The following NRROS variants were observed in gnomAD, a reference collection of about 807,000 sequenced individuals.
NRROS encodes negative regulator of reactive oxygen species.
NRROS carries 6 observed loss-of-function variants against 12.0 expected under a neutral mutation model. That is an observed-to-expected ratio of 0.50 (90% CI 0.27 to 0.98). The LOEUF (loss-of-function observed/expected upper bound fraction) is 0.98, where lower values mean the gene tolerates loss of function less well. Ranked by LOEUF, NRROS falls within the 50% of genes least tolerant of loss-of-function variation. NRROS has a pLI of 0.11. For synonymous variants in NRROS, 462 were observed against 410.2 expected, an observed-to-expected ratio of 1.13 and a Z score of -1.53; for missense variants, 857 against 888.2, an observed-to-expected ratio of 0.96 and a Z score of 0.45.
chr3:196,658,215 G>A (rs1737578855), intron 2 of NRROS, among the ~76,000 whole-genome samples: 1 of 152,204 alleles, frequency 6.6e-6, no homozygotes, highest in South Asian at 2.1e-4. Flanking sequence ...TATTGACAGG[G>A]GGAGAAAAAT....
At chr3:196,647,759 A>G (rs1290382203) in intron 1 of NRROS, among the ~76,000 whole-genome samples, 1 of 152,200 alleles carries the variant, frequency 6.6e-6, no homozygotes, top group Non-Finnish European at 1.5e-5. Context: ...GGGTTTCACC[A>G]TGTTGGTCAG....
At chr3:196,647,317 G>T (rs6583333) in intron 1 of NRROS, among the ~76,000 whole-genome samples, 4,847 of 152,278 alleles carry the variant, frequency 0.032, 107 homozygotes, top group South Asian at 0.066. Flanking sequence ...CCTGCAGGGT[G>T]TGAGACAGTT....
chr3:196,660,167 C>G lies in NRROS; in HGVS notation c.524C>G (p.Ser175Cys), dbSNP rs893152100. 6.2e-7 allele frequency: 1 copy of G among 1,612,900 alleles called. No homozygotes were observed. Residue 175 changes from serine (S) to cysteine (C), a missense_variant, in exon 3 of 3, where the codon TCC (serine) becomes TGC (cysteine). Coordinates refer to ENST00000328557, the MANE Select transcript of NRROS (RefSeq NM_198565.3). The surrounding 1 kb of genome is among the most constrained non-coding windows in gnomAD (Gnocchi z 7.7). The part of the protein sequence containing the change: ...AGNTIMRLDD[S>C]VFEGLERLRE... Reference sequence around the variant, plus strand: ...AACACCATCATGCGGCTGGACGACTCCGTCTTCGAGGGCCTGGAGCGTCTC... The same window carrying G: ...AACACCATCATGCGGCTGGACGACTGCGTCTTCGAGGGCCTGGAGCGTCTC...
At chr3:196,644,398 CA>C (rs35853147) in intron 1 of NRROS, among the ~76,000 whole-genome samples, 11,320 of 87,444 alleles carry the variant, frequency 0.13, 421 homozygotes, top group Admixed American at 0.2. Flanking sequence ...GACCCCGTCT[CA>C]AAAAAAAAAA....
chr3:196,641,155 CAAAACA>C (rs1381301412), intron 1 of NRROS, among the ~76,000 whole-genome samples: 26 of 151,818 alleles, frequency 1.7e-4, no homozygotes, highest in African/African-American at 5.6e-4. Flanking sequence ...CAAAACAAAA[CAAAACA>C]AAACAAAACA....
intron 1 of NRROS, among the ~76,000 whole-genome samples, chr3:196,650,926 T>C (rs1560341524): frequency 6.6e-6 from 1 of 152,216 alleles, no homozygotes; most frequent in Non-Finnish European, 1.5e-5. Context: ...ACTCACCAGC[T>C]GGCAGCCCCT....
In NRROS at chr3:196,660,748, A is replaced by G; in HGVS notation, c.1105A>G (p.Ile369Val). Reference protein sequence around the residue: ...LHQNCLMTLHIREHEPPGALT... With the variant: ...LHQNCLMTLHVREHEPPGALT... ...CCAGAATTGCCTGATGACGCTTCAC[A>G]TTCGGGAGCACGAGCCCCCCGGAGC... The change falls in exon 3 of 3, where the codon ATT becomes GTT. Residue 369 changes from isoleucine to valine, a missense_variant. Coordinates refer to ENST00000328557, the MANE Select transcript of NRROS (RefSeq NM_198565.3). This position sits in a 1 kb window ranked among gnomAD's most constrained non-coding sequence, Gnocchi z 7.7. 3 of 1,613,918 alleles carry G rather than the reference A, an allele frequency of 1.9e-6. No homozygotes were observed. The highest frequency in any genetic ancestry group is 2.5e-6 in the Non-Finnish European group (3 of 1,180,010).
intron 2 of NRROS, among the ~76,000 whole-genome samples, chr3:196,657,046 A>G (rs1269906724): frequency 6.6e-6 from 1 of 152,020 alleles, no homozygotes; most frequent in East Asian, 1.9e-4. Context: ...TCTACTAAAA[A>G]TACAAAAATT....
In NRROS at chr3:196,661,408, A is replaced by C; in HGVS notation, c.1765A>C (p.Ile589Leu). 1 of 1,574,466 alleles carries C rather than the reference A, an allele frequency of 6.4e-7. No individual in the cohort carries two copies. Among genetic ancestry groups the C allele is most frequent in the Non-Finnish European group, 8.6e-7 (1 of 1,157,392 alleles). Residue 589 changes from isoleucine to leucine, a missense_variant, in exon 3 of 3, where the codon ATC becomes CTC. Transcript: ENST00000328557. The part of the protein sequence containing the change: ...SEQLSRGLRT[I>L]YLSQNPYDCC... The stretch of plus-strand genomic sequence containing the variant: ...GCAGCTCTCGAGAGGTCTGCGGACC[A>C]TCTACCTCAGTCAGAATCCATATGA...
chr3:196,646,014 T>C lies in NRROS; in HGVS notation c.-14+6139T>C, dbSNP rs567681175. Among the ~76,000 whole-genome samples, 216 of 152,356 alleles carry C rather than the reference T, an allele frequency of 1.4e-3. 1 individual carries two copies. Among genetic ancestry groups the C allele is most frequent in the African/African-American group, 4.8e-3 (199 of 41,580 alleles). ...CCCCTCCAGTGGGGGCGTGTCCTCC[T>C]GCAGGCCTTGGAAGGCTTGGTGGGG... On this transcript the variant is annotated intron_variant, in intron 1 of 2. Transcript: ENST00000328557.
intron 1 of NRROS, among the ~76,000 whole-genome samples, chr3:196,642,355 T>C (rs1737225548): frequency 6.6e-6 from 1 of 151,998 alleles, no homozygotes; most frequent in Non-Finnish European, 1.5e-5. Context: ...GTTTCAGGCA[T>C]GGCTGAGTCC....
At chr3:196,642,570 T>G (rs1468366032) in intron 1 of NRROS, among the ~76,000 whole-genome samples, 1 of 152,172 alleles carries the variant, frequency 6.6e-6, no homozygotes, top group Non-Finnish European at 1.5e-5. Context: ...GCCCGTGGAT[T>G]GATTCTCATG....
intron 2 of NRROS, among the ~76,000 whole-genome samples, chr3:196,658,765 G>A (rs1737589482): frequency 6.6e-6 from 1 of 152,122 alleles, no homozygotes; most frequent in African/African-American, 2.4e-5. Flanking sequence ...TCAGGAGTTC[G>A]AGACCAGCCT....
In NRROS at chr3:196,659,903, G is replaced by A. The variant is rs780929659; in HGVS notation, c.260G>A (p.Ser87Asn). 1.2e-6 allele frequency: 2 copies of A among 1,614,106 alleles called. No homozygotes were observed. The highest frequency in any genetic ancestry group is 1.7e-6 in the Non-Finnish European group (2 of 1,179,994). The change falls in exon 3 of 3, where the codon AGC (serine) becomes AAC (asparagine). Residue 87 changes from serine to asparagine, a missense_variant. Ser to Asn is a conservative substitution (Grantham distance 46, BLOSUM62 1). Coordinates refer to ENST00000328557, the MANE Select transcript of NRROS (RefSeq NM_198565.3). ...LQPYPLLESL[S>N]LHSCHLERIS... ...CCTTACCCTCTCCTGGAGAGCCTCA[G>A]CCTGCACAGCTGCCACCTGGAGCGC...
At chr3:196,646,624 G>C (rs1265073268) in intron 1 of NRROS, among the ~76,000 whole-genome samples, 1 of 152,232 alleles carries the variant, frequency 6.6e-6, no homozygotes, top group Non-Finnish European at 1.5e-5. Flanking sequence ...AGTGAGGGCT[G>C]AGCAGGGAGG....
At chr3:196,653,161 T>C (rs577047056) in intron 1 of NRROS, among the ~76,000 whole-genome samples, 2 of 152,242 alleles carry the variant, frequency 1.3e-5, no homozygotes, top group East Asian at 3.9e-4. Context: ...CAATGACTCC[T>C]GTGTGGGTGC....
At position 196,660,234 on chromosome 3, in the gene NRROS, G is replaced by C. The variant is rs1452246399; in HGVS notation, c.591G>C (p.Glu197Asp). The stretch of plus-strand genomic sequence containing the variant: ...AGAGGAACTACATCTTCGAGATCGA[G>C]GGCGGCGCTTTCGACGGCCTGGCTG... ...DLQRNYIFEI[E>D]GGAFDGLAEL... is the part of the protein sequence containing the mutation. Residue 197 changes from glutamate to aspartate, a missense_variant, in exon 3 of 3, where the codon GAG becomes GAC. Physicochemically the swap from Glu to Asp is conservative, Grantham distance 45. Coordinates refer to ENST00000328557, the MANE Select transcript of NRROS (RefSeq NM_198565.3). The surrounding 1 kb of genome is among the most constrained non-coding windows in gnomAD (Gnocchi z 7.7). 3 of 1,613,732 alleles carry C rather than the reference G, an allele frequency of 1.9e-6. No individual in the cohort carries two copies. In the South Asian group the frequency reaches 3.3e-5, roughly 18 times the overall value.
chr3:196,646,625 A>G (rs761408721), intron 1 of NRROS, among the ~76,000 whole-genome samples: 52 of 152,204 alleles, frequency 3.4e-4, no homozygotes, highest in Non-Finnish European at 5.6e-4. Flanking sequence ...GTGAGGGCTG[A>G]GCAGGGAGGT....
intron 1 of NRROS, among the ~76,000 whole-genome samples, chr3:196,647,625 C>G (rs1258260675): frequency 6.6e-6 from 1 of 152,202 alleles, no homozygotes; most frequent in Non-Finnish European, 1.5e-5. Flanking sequence ...ATGGCATGAT[C>G]TCGGCTCACT....
Sources: gnomAD v4.1 joint callset for allele counts (sites outside exome capture counted in the v4.1 genomes callset) on GRCh38, gnomAD v4.1.1 for gene constraint, Gnocchi (gnomAD v3.1) non-coding constraint, MANE v1.5 for transcripts, NCBI Gene and HGNC (gene_info 2026-07-23, HGNC 2026-07-21) for gene names.